Variants in CMTR1 observed in about 807,000 individuals in gnomAD.
CMTR1 encodes cap-specific mRNA (nucleoside-2'-O-)-methyltransferase 1.
A neutral mutation model predicts 107.0 loss-of-function variants in CMTR1; 39 were observed. The ratio of observed to expected loss-of-function variants is 0.36; its 90% CI spans 0.28 to 0.48. CMTR1 has a LOEUF of 0.48. Among genes scored for constraint, CMTR1 ranks in the 20% least tolerant of loss-of-function variants. The pLI is 0.99. For missense variants in CMTR1, 672 were observed against 1,064.9 expected (o/e 0.63, Z 5.14); for synonymous variants, 366 against 379.5 (o/e 0.96, Z 0.41).
upstream of CMTR1, among the ~76,000 whole-genome samples, chr6:37,429,646 T>C (rs1437329747): frequency 6.6e-6 from 1 of 152,224 alleles, no homozygotes; most frequent in Non-Finnish European, 1.5e-5. Flanking sequence ...ACTGAAAGTT[T>C]ACCTGCTATG....
chr6:37,471,945 A>G, intron 15 of CMTR1, 41 bp downstream of exon 15: 1 of 1,592,318 alleles, frequency 6.3e-7, no homozygotes. Flanking sequence ...AGGGCAGGGA[A>G]GCCATAGAGA....
intron 14 of CMTR1, 122 bp from the exon 15 acceptor site, chr6:37,471,725 T>G (rs1331611654): frequency 7.5e-5 from 58 of 769,944 alleles, no homozygotes; most frequent in Non-Finnish European, 1.1e-4. Context: ...CAGCATAGTG[T>G]CTGTGTGTAC....
chr6:37,466,575 C>T (rs957022484), intron 13 of CMTR1, among the ~76,000 whole-genome samples: 10 of 152,242 alleles, frequency 6.6e-5, no homozygotes, highest in South Asian at 6.2e-4. Context: ...GCCCTTTCCC[C>T]GTTGATTGGT....
chr6:37,461,687 A>G (rs1473162576), intron 11 of CMTR1, 42 bp downstream of exon 11: 1 of 1,321,000 alleles, frequency 7.6e-7, no homozygotes, highest in Non-Finnish European at 1.1e-6. Flanking sequence ...GGACCCACTT[A>G]GAGGCCCTAT....
chr6:37,474,849 G>A (rs77986165), intron 18 of CMTR1, among the ~76,000 whole-genome samples: 2,150 of 152,320 alleles, frequency 0.014, 46 homozygotes, highest in African/African-American at 0.047. Flanking sequence ...CGCAGTCTCC[G>A]TGCGTCAGAG....
intron 7 of CMTR1, 23 bp from the exon 8 acceptor site, chr6:37,453,216 CT>C: frequency 6.2e-7 from 1 of 1,613,796 alleles, no homozygotes; most frequent in Non-Finnish European, 8.5e-7. Context: ...ACATCTAGTA[CT>C]TTTCTGTCTT....
intron 23 of CMTR1, 87 bp from the exon 24 acceptor site, chr6:37,479,926 A>AC (rs1432021657): frequency 3.9e-6 from 5 of 1,278,180 alleles, no homozygotes; most frequent in Non-Finnish European, 5.2e-6. Flanking sequence ...TCATTGACAG[A>AC]CCCCTCCGCC....
upstream of CMTR1, among the ~76,000 whole-genome samples, chr6:37,430,521 A>G (rs1303301147): frequency 6.6e-6 from 1 of 152,056 alleles, no homozygotes; most frequent in Non-Finnish European, 1.5e-5. Flanking sequence ...TTTGTTGAGT[A>G]GAAGCCTTTT....
intron 19 of CMTR1, chr6:37,475,628 G>GT: frequency 1.7e-6 from 1 of 591,490 alleles, no homozygotes. Flanking sequence ...GGTTATCAGA[G>GT]ATACCAGCAC....
chr6:37,442,199 A>G (rs1049263717), intron 2 of CMTR1, among the ~76,000 whole-genome samples: 20 of 152,358 alleles, frequency 1.3e-4, no homozygotes, highest in Admixed American at 7.2e-4. Flanking sequence ...CTGAACCAGT[A>G]TAGTAGTCTG....
At chr6:37,446,819 A>G (rs1216240985) in intron 4 of CMTR1, among the ~76,000 whole-genome samples, 1 of 152,182 alleles carries the variant, frequency 6.6e-6, no homozygotes, top group Non-Finnish European at 1.5e-5. Context: ...GGGAGCACCC[A>G]CTCTCTCACT....
At chr6:37,455,543 C>T (rs1761274065) in intron 8 of CMTR1, among the ~76,000 whole-genome samples, 1 of 152,150 alleles carries the variant, frequency 6.6e-6, no homozygotes, top group Admixed American at 6.5e-5. Flanking sequence ...TAAACTGTTA[C>T]ATTATGTCAG....
rs1761692105 is a variant in CMTR1 at position 37,474,410 on chromosome 6, C to T, written c.1822-114C>T. ...ATCTCTCATAGACATTTTCTTCTGA[C>T]ATTTCCCAGTCCCATCAGTTTGTAG... On this transcript the variant is annotated intron_variant, in intron 17 of 23. Transcript: ENST00000373451. The T allele has an allele frequency of 9.8e-6, 12 of 1,229,118 alleles. No homozygotes were observed. In the South Asian group the frequency reaches 1.6e-4, roughly 17 times the overall value. The allele number at this position is 1,229,118 out of a possible 1,614,324, so 76.1% of individuals were successfully genotyped here. A position where few individuals can be genotyped will look rare whatever the true frequency, so the allele number is the denominator to read the frequency against.
rs1467162382 is a variant in CMTR1 at position 37,462,116 on chromosome 6, C to T, written c.1325+14C>T. On this transcript the variant is annotated intron_variant, in intron 12 of 23. Coordinates refer to ENST00000373451, the MANE Select transcript of CMTR1 (RefSeq NM_015050.3). Reference sequence around the variant, plus strand: ...CAACTCAGAGAGGTGAAGCCTTTCTCTCTATATTAGCCAGATTAATTGGCT... The same window carrying T: ...CAACTCAGAGAGGTGAAGCCTTTCTTTCTATATTAGCCAGATTAATTGGCT... 2.5e-6 allele frequency: 4 copies of T among 1,614,060 alleles called. No individual in the cohort carries two copies. Among genetic ancestry groups the T allele is most frequent in the Non-Finnish European group, 2.5e-6 (3 of 1,179,986 alleles).
chr6:37,461,116 C>T (rs547420282), intron 10 of CMTR1, among the ~76,000 whole-genome samples: 31 of 152,164 alleles, frequency 2.0e-4, no homozygotes, highest in Non-Finnish European at 4.3e-4. Flanking sequence ...AGTGGGAAGC[C>T]GAAGCAGAGT....
At chr6:37,476,220 TG>T in intron 20 of CMTR1, 26 bp downstream of exon 20, 1 of 1,612,648 alleles carries the variant, frequency 6.2e-7, no homozygotes, top group Non-Finnish European at 8.5e-7. Context: ...CTACCCTCCA[TG>T]CTTCTTTCTG....
intron 19 of CMTR1, 174 bp downstream of exon 19, chr6:37,475,586 G>C: frequency 1.6e-6 from 1 of 621,546 alleles, no homozygotes; most frequent in Non-Finnish European, 2.9e-6. Context: ...AATTGGAGTT[G>C]CCACTTCAGA....
chr6:37,441,235 G>A (rs1771667832), intron 2 of CMTR1, among the ~76,000 whole-genome samples: 3 of 152,138 alleles, frequency 2.0e-5, no homozygotes, highest in Admixed American at 2.0e-4. Context: ...GTTGCAGAGT[G>A]CATCTCTCTC....
chr6:37,436,435 T>C (rs1771533100), intron 2 of CMTR1: 2 of 152,248 alleles, frequency 1.3e-5, no homozygotes, highest in Non-Finnish European at 2.9e-5. Context: ...TTAGGGCTAC[T>C]GTAACAAATT....
Sources: gnomAD v4.1 joint callset for allele counts (sites outside exome capture counted in the v4.1 genomes callset) on GRCh38, gnomAD v4.1.1 for gene constraint, MANE v1.5 for transcripts, NCBI Gene and HGNC (gene_info 2026-07-23, HGNC 2026-07-21) for gene names.